Variants in ME3 observed in about 807,000 individuals in gnomAD.
ME3 encodes NADP-dependent malic enzyme, mitochondrial.
Under a neutral mutation model 68.9 loss-of-function variants are expected in ME3, and 48 were observed. The ratio of observed to expected loss-of-function variants is 0.70; its 90% CI spans 0.55 to 0.89. ME3 has a LOEUF of 0.89. Among genes scored for constraint, ME3 ranks in the 40% least tolerant of loss-of-function variants. The pLI is 0.00. For missense variants in ME3, 675 were observed against 797.4 expected, an observed-to-expected ratio of 0.85 and a Z score of 1.85; for synonymous variants, 320 against 318.8, an observed-to-expected ratio of 1.00 and a Z score of -0.04.
At chr11:86,640,143 G>A (rs1944575883) in intron 2 of ME3, among the ~76,000 whole-genome samples, 1 of 152,182 alleles carries the variant, frequency 6.6e-6, no homozygotes. Context: ...CCTGATATAG[G>A]AAGCGGAGAC....
At chr11:86,458,453 G>C (rs574262807) in intron 8 of ME3, among the ~76,000 whole-genome samples, 1 of 152,232 alleles carries the variant, frequency 6.6e-6, no homozygotes, top group South Asian at 2.1e-4. Flanking sequence ...CCACAATTTG[G>C]AAAGAACCAG....
intron 2 of ME3, among the ~76,000 whole-genome samples, chr11:86,643,761 G>A (rs1944820676): frequency 6.6e-6 from 1 of 152,174 alleles, no homozygotes; most frequent in South Asian, 2.1e-4. Context: ...CAAGGACCAT[G>A]AACCCAGCAC....
intron 2 of ME3, among the ~76,000 whole-genome samples, chr11:86,640,573 G>A (rs1322749619): frequency 2.0e-5 from 3 of 152,204 alleles, no homozygotes; most frequent in African/African-American, 7.2e-5. Flanking sequence ...TTAAGGAGCT[G>A]CCTTATCTCT....
At chr11:86,607,598 A>T (rs7123044) in intron 2 of ME3, among the ~76,000 whole-genome samples, 60,234 of 150,924 alleles carry the variant, frequency 0.4, 12,649 homozygotes, top group East Asian at 0.71. Flanking sequence ...CTTAAGAGGG[A>T]AGGTACTTCC....
At chr11:86,622,418 A>G (rs1488440070) in intron 2 of ME3, among the ~76,000 whole-genome samples, 9 of 151,954 alleles carry the variant, frequency 5.9e-5, no homozygotes, top group African/African-American at 2.2e-4. Context: ...CTGCTCACTC[A>G]GTGCTCTCTT....
At chr11:86,509,445 A>G (rs1050430831) in intron 4 of ME3, among the ~76,000 whole-genome samples, 20 of 151,512 alleles carry the variant, frequency 1.3e-4, no homozygotes, top group Non-Finnish European at 2.6e-4. Context: ...TGCGAAGGCA[A>G]TGGGGTTTGG....
exon 15 of ME3, chr11:86,441,361 A>C: frequency 6.2e-7 from 1 of 1,613,364 alleles, no homozygotes; most frequent in Non-Finnish European, 8.5e-7. Context: ...AGTGTAGACC[A>C]GGGATCTTAC....
At chr11:86,491,639 GC>G (rs1952017403) in intron 6 of ME3, among the ~76,000 whole-genome samples, 1 of 152,160 alleles carries the variant, frequency 6.6e-6, no homozygotes, top group Non-Finnish European at 1.5e-5. Context: ...ATATAAGAAT[GC>G]CTGACAGCAA....
intron 2 of ME3, among the ~76,000 whole-genome samples, chr11:86,564,040 A>G (rs1276180129): frequency 6.6e-6 from 1 of 152,082 alleles, no homozygotes; most frequent in Non-Finnish European, 1.5e-5. Flanking sequence ...TTTGGGCAGT[A>G]TGGCCATTTT....
Position 86,671,895 on chromosome 11 carries a change from C to T in ME3, c.50G>A (p.Arg17Gln), listed in dbSNP as rs768204418. ...CCAGCGCGGGAGGGCGCCGCAGGCC[C>T]GGCCCGGCCAGGGAGCCAGCCGCGT... The change falls in exon 2 of 15, where the codon CGG (arginine) becomes CAG (glutamine). Residue 17 changes from arginine to glutamine, a missense_variant. Physicochemically the swap from Arg to Gln is conservative, Grantham distance 43. Transcript: ENST00000543262. 6 of 1,486,194 alleles carry T rather than the reference C, an allele frequency of 4.0e-6. No homozygotes were observed. In the East Asian group the frequency reaches 1.1e-4, roughly 27 times the overall value. 92.1% of individuals were successfully genotyped at this position (1,486,194 alleles called of 1,614,324 possible).
In ME3 at chr11:86,450,187, T is replaced by C. The variant is rs972004208; in HGVS notation, c.1017+114A>G. The C allele has an allele frequency of 4.6e-5, 50 of 1,095,170 alleles. No homozygotes were observed. The Admixed American group carries it at 6.7e-4, about 15-fold the overall frequency. The allele number at this position is 1,095,170 out of a possible 1,614,324, so 67.8% of individuals were successfully genotyped here. ...CTAGGCAGCTGCAATGATCACAATATGTCTGTGCTGCTTCCTCTTTTCAGA... is the reference window on the plus strand; with the variant it reads ...CTAGGCAGCTGCAATGATCACAATACGTCTGTGCTGCTTCCTCTTTTCAGA... On this transcript the variant is annotated intron_variant, in intron 9 of 14. Coordinates refer to ENST00000543262, the Ensembl canonical transcript of ME3.
At chr11:86,447,299 A>G (rs1949365214) in intron 11 of ME3, 92 bp from the exon 12 acceptor site, 1 of 1,514,000 alleles carries the variant, frequency 6.6e-7, no homozygotes, top group Non-Finnish European at 9.0e-7. Context: ...TAGGAATACC[A>G]TGAAAGACTC....
chr11:86,558,447 A>G (rs1168060541), intron 3 of ME3, among the ~76,000 whole-genome samples: 2 of 152,062 alleles, frequency 1.3e-5, no homozygotes, highest in Non-Finnish European at 2.9e-5. Context: ...TCGAGTTTAG[A>G]GCTTTGGGAG....
intron 2 of ME3, among the ~76,000 whole-genome samples, chr11:86,594,264 T>A (rs1161001684): frequency 2.7e-5 from 4 of 146,852 alleles, no homozygotes; most frequent in Non-Finnish European, 5.9e-5. Context: ...TGATTTAAAA[T>A]TGTTGCTAAT....
chr11:86,503,278 T>C (rs890531840), intron 5 of ME3, among the ~76,000 whole-genome samples: 24 of 152,242 alleles, frequency 1.6e-4, no homozygotes, highest in Admixed American at 1.6e-3. Context: ...GATACGATGA[T>C]GTGCTGCCCA....
chr11:86,660,789 C>G (rs1946223854), intron 2 of ME3, among the ~76,000 whole-genome samples: 1 of 152,154 alleles, frequency 6.6e-6, no homozygotes, highest in African/African-American at 2.4e-5. Flanking sequence ...ACAAAAGATG[C>G]TATTCTTTAG....
At chr11:86,451,323 G>A (rs534345722) in intron 8 of ME3, among the ~76,000 whole-genome samples, 3 of 152,358 alleles carry the variant, frequency 2.0e-5, no homozygotes, top group Admixed American at 2.0e-4. Flanking sequence ...TAGGTACAGA[G>A]TAAGAGGATA....
At chr11:86,485,284 C>T (rs1348253984) in intron 7 of ME3, among the ~76,000 whole-genome samples, 1 of 152,214 alleles carries the variant, frequency 6.6e-6, no homozygotes, top group East Asian at 1.9e-4. Flanking sequence ...CTACCAGGCT[C>T]AGCTTTTGGT....
chr11:86,620,647 T>A (rs1027598257), intron 2 of ME3, among the ~76,000 whole-genome samples: 15 of 152,200 alleles, frequency 9.9e-5, no homozygotes, highest in African/African-American at 3.4e-4. Context: ...AAAGGGAGTT[T>A]ATCTCACATT....
Sources: allele counts gnomAD v4.1 joint callset (sites outside exome capture counted in the v4.1 genomes callset), GRCh38; gene constraint gnomAD v4.1.1; transcripts MANE v1.5; gene names NCBI Gene and HGNC (gene_info 2026-07-23, HGNC 2026-07-21).